Variants in WNK2 observed in about 807,000 individuals in gnomAD.
WNK2 encodes the protein WNK lysine deficient protein kinase 2, also known as serine/threonine-protein kinase WNK2.
Under a neutral mutation model 192.1 loss-of-function variants are expected in WNK2, and 67 were observed. That is an observed-to-expected ratio of 0.35 (90% confidence interval 0.29 to 0.43). WNK2 has a LOEUF of 0.43. Among genes scored for constraint, WNK2 ranks in the 20% least tolerant of loss-of-function variants. The pLI is 1.00. For synonymous variants in WNK2, 1,439 were observed against 1,393.9 expected (o/e 1.03, Z -0.72); for missense variants, 2,698 against 3,089.7 (o/e 0.87, Z 3.01).
intron 1 of WNK2, 102 bp from the exon 2 acceptor site, chr9:93,184,826 C>A (rs1828983199): frequency 6.6e-6 from 7 of 1,055,026 alleles, no homozygotes; most frequent in Middle Eastern, 3.6e-4. Context: ...GCGGCCGGGG[C>A]TGGGCAGGTT....
chr9:93,265,702 C>G (rs546738428), intron 16 of WNK2, among the ~76,000 whole-genome samples: 1 of 152,384 alleles, frequency 6.6e-6, no homozygotes, highest in South Asian at 2.1e-4. Context: ...GAAGTTATCA[C>G]TCAGCCACCA....
chr9:93,274,665 A>C (rs1846513605), intron 19 of WNK2, among the ~76,000 whole-genome samples: 1 of 152,242 alleles, frequency 6.6e-6, no homozygotes, highest in Admixed American at 6.5e-5. Flanking sequence ...ATTTAGGTGA[A>C]AGAGACTAAT....
intron 23 of WNK2, among the ~76,000 whole-genome samples, chr9:93,296,808 T>C (rs1279224881): frequency 3.7e-5 from 3 of 81,590 alleles, no homozygotes; most frequent in Admixed American, 1.2e-4. Flanking sequence ...CCCTCACCTT[T>C]CTCTCCTCTC....
chr9:93,245,296 G>A (rs1016123080), intron 7 of WNK2, among the ~76,000 whole-genome samples: 6 of 152,252 alleles, frequency 3.9e-5, no homozygotes, highest in African/African-American at 1.2e-4. Flanking sequence ...CGGAAATACC[G>A]TCAATCCTCA....
intron 7 of WNK2, among the ~76,000 whole-genome samples, chr9:93,241,507 A>G (rs1175048684): frequency 6.6e-6 from 1 of 152,176 alleles, no homozygotes; most frequent in African/African-American, 2.4e-5. Context: ...CACCAGTTCC[A>G]GGCTGATGAT....
rs41296061 is a variant in WNK2, at chr9:93,288,818, C to T, written c.4064C>T (p.Ser1355Leu). 17,391 of 1,612,058 alleles carry T rather than the reference C, an allele frequency of 0.011. 130 individuals are homozygous for T. Among genetic ancestry groups the T allele is most frequent in the Middle Eastern group, 0.032 (193 of 6,058 alleles). Residue 1355 changes from serine (S) to leucine (L), a missense_variant, in exon 20 of 30, where the codon TCG becomes TTG. By Grantham distance (145) the Ser-to-Leu change is moderately radical. Coordinates refer to ENST00000427277, the MANE Select transcript of WNK2 (RefSeq NM_006648.4). The part of the protein sequence containing the change: ...DSAPYKDQLS[S>L]KEQPSFLASQ... ...GCGCCCTATAAAGACCAGCTGTCCT[C>T]GAAGGAACAACCCAGCTTTCTAGCC...
rs922704441 is a variant in WNK2 at position 93,239,383 on chromosome 9, G to A, written c.1323-374G>A. 1.2e-4 allele frequency among the ~76,000 whole-genome samples: 19 copies of A among 152,332 alleles called. No homozygotes were observed. The highest frequency in any genetic ancestry group is 1.2e-3 in the Admixed American group (18 of 15,308). On this transcript the variant is annotated intron_variant, in intron 6 of 29. Coordinates refer to ENST00000427277, the MANE Select transcript of WNK2 (RefSeq NM_006648.4). This position sits in a 1 kb window ranked among gnomAD's most constrained non-coding sequence, Gnocchi z 4.2. Reference sequence around the variant, plus strand: ...TCTGTGTCCATTTTAGACCTACCCAGGACTAAACACTAAAATGTTTCAGTT... The same window carrying A: ...TCTGTGTCCATTTTAGACCTACCCAAGACTAAACACTAAAATGTTTCAGTT...
At chr9:93,268,208 C>A in intron 18 of WNK2, 143 bp downstream of exon 18, 2 of 1,141,804 alleles carry the variant, frequency 1.8e-6, no homozygotes, top group Non-Finnish European at 2.5e-6. Context: ...GGACAGCTGC[C>A]CTGTCCGAGG....
rs1319765825 is a variant in WNK2 at position 93,292,904 on chromosome 9, C to A, written c.5439C>A (p.Gly1813=). 2 of 1,520,804 alleles carry A rather than the reference C, an allele frequency of 1.3e-6. No individual in the cohort carries two copies. Among genetic ancestry groups the A allele is most frequent in the Admixed American group, 2.1e-5 (1 of 48,150 alleles). 94.2% of individuals were successfully genotyped at this position (1,520,804 alleles called of 1,614,324 possible). A position where few individuals can be genotyped will look rare whatever the true frequency, so the allele number is the denominator to read the frequency against. Residue 1813 remains glycine, a synonymous_variant, in exon 23 of 30, where the codon GGC becomes GGA. Transcript: ENST00000427277. ...EPVSSDSGDE[G]PRARPPVQKQ... ...TGTCCAGCGACTCTGGGGACGAGGG[C>A]CCTCGGGCGAGACCCCCGGTGCAGA...
At chr9:93,319,320 A>G in intron 29 of WNK2, 1 of 1,426,796 alleles carries the variant, frequency 7.0e-7, no homozygotes, top group Non-Finnish European at 9.2e-7. Flanking sequence ...CTGCATCCAC[A>G]CCTCTGGAGG....
Position 93,184,912 on chromosome 9 carries a change from T to G in WNK2, c.-2-16T>G. On this transcript the variant is annotated splice_polypyrimidine_tract_variant and intron_variant, in intron 1 of 29. Coordinates refer to ENST00000427277, the MANE Select transcript of WNK2 (RefSeq NM_006648.4). Reference sequence around the variant, plus strand: ...GGGCCGGCGCTCACGCGGGCCTGTGTGTCCTTGGCCCACAGAGATGGACGG... The same window carrying G: ...GGGCCGGCGCTCACGCGGGCCTGTGGGTCCTTGGCCCACAGAGATGGACGG... The G allele has an allele frequency of 8.3e-7, 1 of 1,202,054 alleles. No homozygotes were observed. The highest frequency in any genetic ancestry group is 1.0e-6 in the Non-Finnish European group (1 of 970,124). 74.5% of individuals were successfully genotyped at this position (1,202,054 alleles called of 1,614,324 possible). A position where few individuals can be genotyped will look rare whatever the true frequency, so the allele number is the denominator to read the frequency against.
chr9:93,244,952 C>T (rs1464844075), intron 7 of WNK2, among the ~76,000 whole-genome samples: 1 of 152,180 alleles, frequency 6.6e-6, no homozygotes, highest in African/African-American at 2.4e-5. Context: ...TTGGGGCCAG[C>T]GGCAACCCTG....
chr9:93,317,691 G>C (rs767918078), intron 29 of WNK2, 60 bp downstream of exon 29: 1 of 1,571,538 alleles, frequency 6.4e-7, no homozygotes, highest in East Asian at 2.3e-5. Context: ...TCAGTACAGA[G>C]GCCTGCTCCC....
intron 5 of WNK2, among the ~76,000 whole-genome samples, chr9:93,237,043 T>A (rs1158403476): frequency 6.6e-6 from 1 of 152,076 alleles, no homozygotes; most frequent in African/African-American, 2.4e-5. Context: ...GGGGTGATGG[T>A]GGCTTTGACA....
chr9:93,232,284 T>G (rs959828972), intron 4 of WNK2, among the ~76,000 whole-genome samples: 4 of 152,148 alleles, frequency 2.6e-5, no homozygotes, highest in Non-Finnish European at 5.9e-5. Context: ...GGGGTGGCCC[T>G]GTGTACACAA....
intron 29 of WNK2, chr9:93,318,683 T>A: frequency 6.7e-7 from 1 of 1,490,412 alleles, no homozygotes; most frequent in South Asian, 1.3e-5. Flanking sequence ...CTCCATGATT[T>A]CCATGGAGAC....
At chr9:93,249,946 GCT>G (rs1842320799) in intron 8 of WNK2, among the ~76,000 whole-genome samples, 1 of 103,870 alleles carries the variant, frequency 9.6e-6, no homozygotes, top group African/African-American at 3.9e-5. Flanking sequence ...AGACAGTCTC[GCT>G]CTGTCTCCAG....
chr9:93,262,844 GGTTTTT>G, intron 14 of WNK2, 125 bp downstream of exon 14: 5 of 1,099,204 alleles, frequency 4.5e-6, no homozygotes, highest in Non-Finnish European at 5.3e-6. Context: ...TGCCATTAGG[GGTTTTT>G]CAAACCTGAC....
chr9:93,275,506 A>G (rs1374470877), intron 19 of WNK2, among the ~76,000 whole-genome samples: 1 of 152,246 alleles, frequency 6.6e-6, no homozygotes, highest in Non-Finnish European at 1.5e-5. Context: ...CACCGTTTCC[A>G]GCATATTTAG....
Sources: gnomAD v4.1 joint callset for allele counts (sites outside exome capture counted in the v4.1 genomes callset) on GRCh38, gnomAD v4.1.1 for gene constraint, Gnocchi (gnomAD v3.1) non-coding constraint, MANE v1.5 for transcripts, NCBI Gene and HGNC (gene_info 2026-07-23, HGNC 2026-07-21) for gene names.